The following ANK2 variants were observed in gnomAD, a reference collection of about 807,000 sequenced individuals.
ANK2 encodes the protein ankyrin-2.
ANK2 carries 83 observed loss-of-function variants against 360.5 expected under a neutral mutation model. The ratio of observed to expected loss-of-function variants is 0.23; its 90% CI spans 0.19 to 0.28. The LOEUF is 0.28. Among genes scored for constraint, ANK2 ranks in the 10% least tolerant of loss-of-function variants. ANK2 has a pLI of 1.00. For synonymous variants in ANK2, 1,740 were observed against 1,759.5 expected (o/e 0.99, Z 0.28); for missense variants, 4,201 against 4,795.7 (o/e 0.88, Z 3.66).
the ANK2 span, among the ~76,000 whole-genome samples, chr4:112,807,307 A>G: frequency 6.6e-6 from 1 of 152,242 alleles, no homozygotes; most frequent in East Asian, 1.9e-4. Context: ...ATAAGATTTC[A>G]TATTGTTTTT....
At chr4:113,195,485 A>C (rs1283223957) in intron 2 of ANK2, among the ~76,000 whole-genome samples, 2 of 152,198 alleles carry the variant, frequency 1.3e-5, no homozygotes, top group Non-Finnish European at 2.9e-5. Flanking sequence ...TTATGAAATA[A>C]CATTTTGTAG....
chr4:113,126,093 G>A (rs2154374656), intron 1 of ANK2, among the ~76,000 whole-genome samples: 1 of 152,240 alleles, frequency 6.6e-6, no homozygotes, highest in Middle Eastern at 3.4e-3. Flanking sequence ...GAAATTTATT[G>A]TGGTTCCCTG....
At chr4:112,831,869 C>G (rs1049845981) in intron 1 of ANK2, among the ~76,000 whole-genome samples, 2 of 152,136 alleles carry the variant, frequency 1.3e-5, no homozygotes, top group Non-Finnish European at 2.9e-5. Flanking sequence ...TGAACTGTAA[C>G]ACTCATTGTG....
intron 2 of ANK2, among the ~76,000 whole-genome samples, chr4:112,952,268 A>C (rs777467405): frequency 4.6e-5 from 7 of 152,232 alleles, no homozygotes; most frequent in Non-Finnish European, 8.8e-5. Context: ...AAATGTAGTA[A>C]ATGTAGTAAA....
the ANK2 span, among the ~76,000 whole-genome samples, chr4:112,718,762 C>T: frequency 6.6e-6 from 1 of 152,112 alleles, no homozygotes; most frequent in South Asian, 2.1e-4. Context: ...CTCAGCTTCC[C>T]AAGTGGCTGG....
chr4:113,186,090 C>G (rs984542835), intron 2 of ANK2, among the ~76,000 whole-genome samples: 1 of 152,176 alleles, frequency 6.6e-6, no homozygotes, highest in Non-Finnish European at 1.5e-5. Context: ...TCCCTGACTC[C>G]CATGCCTCTT....
chr4:112,705,968 G>A, the ANK2 span, among the ~76,000 whole-genome samples: 3 of 151,220 alleles, frequency 2.0e-5, no homozygotes, highest in Non-Finnish European at 4.4e-5. Flanking sequence ...TCGGCTGGGC[G>A]AGCAGAGGGC....
At chr4:113,319,043 C>T (rs1265928895) in intron 26 of ANK2, among the ~76,000 whole-genome samples, 1 of 152,090 alleles carries the variant, frequency 6.6e-6, no homozygotes, top group African/African-American at 2.4e-5. Flanking sequence ...TAATGCATTT[C>T]AAATAATGTT....
chr4:113,160,833 G>A (rs73841262), intron 1 of ANK2, among the ~76,000 whole-genome samples: 1 of 152,146 alleles, frequency 6.6e-6, no homozygotes, highest in Non-Finnish European at 1.5e-5. Flanking sequence ...ATTTATAAAC[G>A]ATTGAATGTT....
At chr4:113,061,055 T>C (rs1228259852) in intron 1 of ANK2, among the ~76,000 whole-genome samples, 2 of 152,096 alleles carry the variant, frequency 1.3e-5, no homozygotes, top group African/African-American at 4.8e-5. Flanking sequence ...GTAGGACTGA[T>C]TGGCCTATTA....
chr4:113,245,916 T>C (rs571064029), intron 9 of ANK2, among the ~76,000 whole-genome samples: 40 of 152,210 alleles, frequency 2.6e-4, no homozygotes, highest in African/African-American at 8.9e-4. Context: ...GCAATTCTCC[T>C]ACCTCAGCCT....
At chr4:112,732,046 A>G in the ANK2 span, among the ~76,000 whole-genome samples, 1 of 152,202 alleles carries the variant, frequency 6.6e-6, no homozygotes, top group African/African-American at 2.4e-5. Context: ...TCTATAAGCT[A>G]GTTGACTCAT....
rs557842958 is a variant in ANK2, at chr4:112,938,649, A to G, written c.21+34135A>G. 9.6e-4 allele frequency among the ~76,000 whole-genome samples: 147 copies of G among 152,366 alleles called. 1 individual carries two copies. The highest frequency in any genetic ancestry group is 3.3e-3 in the African/African-American group (137 of 41,596). On this transcript the variant is annotated intron_variant, in intron 2 of 30. Transcript: ENST00000503271. ...GCTAAGTAAATTTTTATTCGGCTCA[A>G]TCAGACATTGCCACCTAGTGGATTA... is the stretch of plus-strand genomic sequence containing the variant.
chr4:113,036,193 T>C (rs2061548270), intron 2 of ANK2, among the ~76,000 whole-genome samples: 1 of 151,720 alleles, frequency 6.6e-6, no homozygotes, highest in Admixed American at 6.6e-5. Context: ...TAAAACTCTC[T>C]TTGAGTCATT....
chr4:112,706,142 G>A, the ANK2 span, among the ~76,000 whole-genome samples: 4 of 151,634 alleles, frequency 2.6e-5, no homozygotes, highest in East Asian at 5.9e-4. Context: ...GGAGCCGCAG[G>A]AAGATGGCTT....
chr4:112,707,072 A>G, the ANK2 span, among the ~76,000 whole-genome samples: 1 of 152,212 alleles, frequency 6.6e-6, no homozygotes, highest in South Asian at 2.1e-4. Context: ...GTGTGAGAAT[A>G]TGATCCATTG....
chr4:113,345,905 C>T lies in ANK2; in HGVS notation c.4254C>T (p.Arg1418=), dbSNP rs778974823. 23 of 1,613,178 alleles carry T rather than the reference C, an allele frequency of 1.4e-5. No individual in the cohort carries two copies. Among genetic ancestry groups the T allele is most frequent in the African/African-American group, 4.0e-5 (3 of 74,820 alleles). ...ENRLPLFVKV[R]DTTQEPCGRL... ...GTATGTCTTTCTTGTTCAAGGTACG[C>T]GATACGACTCAGGAACCTTGCGGAC... Residue 1418 remains arginine (R), a synonymous_variant, in exon 35 of 46, where the codon CGC becomes CGT. Coordinates refer to ENST00000357077, the MANE Select transcript of ANK2 (RefSeq NM_001148.6).
chr4:113,258,538 T>A (rs950015908), intron 13 of ANK2, 127 bp downstream of exon 13: 5 of 845,720 alleles, frequency 5.9e-6, no homozygotes, highest in Non-Finnish European at 1.0e-5. Context: ...GAAGGGCCCT[T>A]GTAATAACAC....
chr4:112,798,850 C>T, the ANK2 span, among the ~76,000 whole-genome samples: 2 of 152,168 alleles, frequency 1.3e-5, no homozygotes, highest in Non-Finnish European at 2.9e-5. Context: ...CTCATTTTAA[C>T]CATTTTAAAG....
Sources: gnomAD v4.1 joint callset for allele counts (sites outside exome capture counted in the v4.1 genomes callset) on GRCh38, gnomAD v4.1.1 for gene constraint, MANE v1.5 for transcripts, NCBI Gene and HGNC (gene_info 2026-07-23, HGNC 2026-07-21) for gene names.